The following KDM6A variants were observed in gnomAD, a reference collection of about 807,000 sequenced individuals.
KDM6A encodes lysine demethylase 6A.
KDM6A carries 11 observed loss-of-function variants against 117.6 expected under a neutral mutation model. The ratio of observed to expected loss-of-function variants is 0.09; its 90% CI spans 0.06 to 0.15. The LOEUF (loss-of-function observed/expected upper bound fraction) is 0.15, where lower values mean the gene tolerates loss of function less well. Ranked by LOEUF, KDM6A falls within the 10% of genes least tolerant of loss-of-function variation. The probability of loss-of-function intolerance (pLI) is 1.00; values close to 1 mark genes in which losing one functional copy is unlikely to be tolerated. For synonymous variants in KDM6A, 384 were observed against 396.1 expected (o/e 0.97, Z 0.36); for missense variants, 799 against 1,077.3 (o/e 0.74, Z 3.62).
chrX:45,011,066 T>G, intron 5 of KDM6A, 47 bp downstream of exon 5: 2 of 956,441 alleles, frequency 2.1e-6, no homozygotes, highest in Non-Finnish European at 1.5e-6. Context: ...AGTAAATGGC[T>G]TGTTTGCTTG....
At chrX:45,022,191 G>C (rs1344386813) in intron 6 of KDM6A, among the ~76,000 whole-genome samples, 1 of 112,070 alleles carries the variant, frequency 8.9e-6, no homozygotes, top group Non-Finnish European at 1.9e-5. Context: ...TAATTCTAAA[G>C]ATGCAAAATT....
Position 44,921,788 on chromosome X carries a change from T to C in KDM6A, c.226-39496T>C, listed in dbSNP as rs577465986. On this transcript the variant is annotated intron_variant, in intron 2 of 29. Coordinates refer to ENST00000611820, the MANE Select transcript of KDM6A (RefSeq NM_001291415.2). Reference sequence around the variant, plus strand: ...TGAATATTCACATGGAAGTTTCTGCTTGAAAATTTTTATTTCCCTGGAATG... The same window carrying C: ...TGAATATTCACATGGAAGTTTCTGCCTGAAAATTTTTATTTCCCTGGAATG... Among the ~76,000 whole-genome samples, 13 of 109,489 alleles carry C rather than the reference T, an allele frequency of 1.2e-4. No homozygotes were observed. In the East Asian group the frequency reaches 1.7e-3, roughly 15 times the overall value.
At chrX:45,013,321 C>G (rs1225229681) in intron 5 of KDM6A, among the ~76,000 whole-genome samples, 3 of 111,572 alleles carry the variant, frequency 2.7e-5, no homozygotes, top group Middle Eastern at 8.4e-3. Context: ...TTATGGCCAA[C>G]TAGAAATAAT....
chrX:44,922,204 C>T (rs1438624983), intron 2 of KDM6A, among the ~76,000 whole-genome samples: 4 of 104,233 alleles, frequency 3.8e-5, no homozygotes, highest in African/African-American at 7.0e-5. Flanking sequence ...CCACCATGCC[C>T]GGCTAATTTT....
Position 45,034,821 on chromosome X carries a change from A to G in KDM6A, c.565-110A>G, listed in dbSNP as rs1270687194. On this transcript the variant is annotated intron_variant, in intron 6 of 29. Transcript: ENST00000611820. ...TGGTAGGCTAGTGTATTTTATTTGC[A>G]TAGCATGTATTTATTATTATTTTAG... The G allele has an allele frequency of 8.3e-6, 5 of 601,446 alleles. No individual in the cohort carries two copies. In the East Asian group the frequency reaches 1.3e-4, roughly 16 times the overall value. The allele number at this position is 601,446 out of a possible 1,213,427, so 49.6% of individuals were successfully genotyped here. A position where few individuals can be genotyped will look rare whatever the true frequency, so the allele number is the denominator to read the frequency against.
At chrX:45,075,708 C>T (rs1273845927) in intron 18 of KDM6A, among the ~76,000 whole-genome samples, 1 of 111,167 alleles carries the variant, frequency 9.0e-6, no homozygotes, top group East Asian at 2.8e-4. Context: ...ACACTTTGTT[C>T]AGTGTAGCAA....
intron 2 of KDM6A, among the ~76,000 whole-genome samples, chrX:44,882,454 T>C (rs965862673): frequency 8.9e-6 from 1 of 112,334 alleles, no homozygotes. Context: ...GGACCTTGTT[T>C]TTTGCTGTAT....
chrX:45,050,392 A>C (rs1432525704), intron 8 of KDM6A, among the ~76,000 whole-genome samples: 1 of 112,345 alleles, frequency 8.9e-6, no homozygotes, highest in Non-Finnish European at 1.9e-5. Context: ...AGTTCTTTCA[A>C]ATCTTCCTTA....
intron 4 of KDM6A, among the ~76,000 whole-genome samples, chrX:45,010,500 G>A (rs1489559649): frequency 1.8e-5 from 2 of 111,258 alleles, no homozygotes; most frequent in African/African-American, 6.5e-5. Flanking sequence ...CCTAGGTGAT[G>A]ATTGGCATGA....
intron 2 of KDM6A, among the ~76,000 whole-genome samples, chrX:44,905,838 C>T (rs2034619015): frequency 8.9e-6 from 1 of 112,117 alleles, no homozygotes; most frequent in African/African-American, 3.2e-5. Flanking sequence ...CCAAATCTAC[C>T]ATCATATTCC....
At chrX:45,030,652 A>G (rs952862654) in intron 6 of KDM6A, among the ~76,000 whole-genome samples, 8 of 110,393 alleles carry the variant, frequency 7.2e-5, no homozygotes, top group Non-Finnish European at 1.1e-4. Flanking sequence ...CCCATAGACT[A>G]TTCATTTTAG....
chrX:44,878,164 A>C (rs967880570), intron 2 of KDM6A, among the ~76,000 whole-genome samples: 1 of 111,757 alleles, frequency 8.9e-6, no homozygotes, highest in East Asian at 2.8e-4. Flanking sequence ...GAATATTTGC[A>C]GAATACATAC....
At position 45,058,990 on chromosome X, in the gene KDM6A, TCC is replaced by T; in HGVS notation, c.876-14_876-13del. 1 of 1,140,032 alleles carries T rather than the reference TCC, an allele frequency of 8.8e-7. No homozygotes were observed. The highest frequency in any genetic ancestry group is 1.2e-6 in the Non-Finnish European group (1 of 834,351). 94.0% of individuals were successfully genotyped at this position (1,140,032 alleles called of 1,213,427 possible). On this transcript the variant is annotated splice_polypyrimidine_tract_variant and intron_variant, in intron 10 of 29. Coordinates refer to ENST00000611820, the MANE Select transcript of KDM6A (RefSeq NM_001291415.2). ...GAATTCTCTTGATTTTTTTTTTTTT[TCC>T]CTTCCCTTCTCAGGTGCTATTCAAG...
chrX:44,888,120 G>C (rs937411066), intron 2 of KDM6A, among the ~76,000 whole-genome samples: 1 of 111,409 alleles, frequency 9.0e-6, no homozygotes, highest in Non-Finnish European at 1.9e-5. Context: ...GCCTGGCCAA[G>C]ATGGTGAAAC....
At chrX:44,948,000 GC>G (rs2147085168) in intron 2 of KDM6A, among the ~76,000 whole-genome samples, 1 of 111,173 alleles carries the variant, frequency 9.0e-6, no homozygotes, top group African/African-American at 3.3e-5. Context: ...TCCCCTGACC[GC>G]CCCCAAAGTC....
chrX:45,068,823 T>TCTTTCTCTTTCTCTTTCTCTTTCC (rs1383547449), intron 17 of KDM6A, among the ~76,000 whole-genome samples: 94 of 95,840 alleles, frequency 9.8e-4, no homozygotes, highest in Non-Finnish European at 1.1e-3. Flanking sequence ...TTTCTCTTTC[T>TCTTTCTCTTTCTCTTTCTCTTTCC]CTTTCCCTTT....
At chrX:45,005,833 A>G (rs1252091152) in intron 4 of KDM6A, among the ~76,000 whole-genome samples, 2 of 108,022 alleles carry the variant, frequency 1.9e-5, no homozygotes, top group Non-Finnish European at 3.8e-5. Flanking sequence ...AATTTCCCCC[A>G]CTGGAAATTT....
At chrX:44,949,488 T>A (rs947958107) in intron 2 of KDM6A, among the ~76,000 whole-genome samples, 2 of 80,120 alleles carry the variant, frequency 2.5e-5, no homozygotes, top group South Asian at 4.6e-4. Context: ...TTTTTTTTTT[T>A]AAAGCACTTA....
intron 17 of KDM6A, among the ~76,000 whole-genome samples, chrX:45,064,182 AT>A (rs2044429237): frequency 8.9e-6 from 1 of 112,142 alleles, no homozygotes; most frequent in Non-Finnish European, 1.9e-5. Flanking sequence ...GGTGTTAGGT[AT>A]TTGCTTTAGT....
Sources: allele counts gnomAD v4.1 joint callset (sites outside exome capture counted in the v4.1 genomes callset), GRCh38; gene constraint gnomAD v4.1.1; transcripts MANE v1.5; gene names NCBI Gene and HGNC (gene_info 2026-07-23, HGNC 2026-07-21).